Variants in TPRX1 observed in about 807,000 individuals in gnomAD.
TPRX1 encodes the protein tetrapeptide repeat homeobox 1, also known as tetra-peptide repeat homeobox protein 1.
In TPRX1, 2 loss-of-function variants were observed where a neutral mutation model predicts 8.1. The observed-to-expected ratio is 0.25, with a 90% confidence interval of 0.10 to 0.78. The LOEUF (loss-of-function observed/expected upper bound fraction) is 0.78, where lower values mean the gene tolerates loss of function less well. TPRX1 is among the 30% of genes least tolerant of loss of function. The pLI, the probability that TPRX1 is intolerant of heterozygous loss-of-function variation, is 0.70. For synonymous variants in TPRX1, 257 were observed against 254.1 expected, an observed-to-expected ratio of 1.01 and a Z score of -0.11; for missense variants, 517 against 586.9, an observed-to-expected ratio of 0.88 and a Z score of 1.23.
chr19:47,801,708 C>T (rs970355043), exon 4 of TPRX1: 6 of 1,527,030 alleles, frequency 3.9e-6, no homozygotes, highest in Non-Finnish European at 5.3e-6. Context: ...TGCAGAAAGT[C>T]ACCAGCAGTG....
exon 4 of TPRX1, chr19:47,802,783 G>A (rs762879335): frequency 6.2e-7 from 1 of 1,605,608 alleles, no homozygotes. Flanking sequence ...GGCCACCCCA[G>A]GCCTGGTGGA....
intron 2 of TPRX1, among the ~76,000 whole-genome samples, chr19:47,817,187 G>A (rs1412851542): frequency 6.6e-6 from 1 of 152,180 alleles, no homozygotes; most frequent in Non-Finnish European, 1.5e-5. Flanking sequence ...CAGGCAGGGA[G>A]ACTGAGCCTG....
At position 47,801,885 on chromosome 19, in the gene TPRX1, G is replaced by A. The variant is rs1346537210; in HGVS notation, c.1417C>T (p.Gln473Ter). ...TTGCCCATAGAGTCATCCCCTTCTTGGTACTGAGAGGTCATGGTGGAGACT... is the reference window on the plus strand; with the variant it reads ...TTGCCCATAGAGTCATCCCCTTCTTAGTACTGAGAGGTCATGGTGGAGACT... The change falls in exon 4 of 4, where the codon CAA becomes TAA. Residue 473 changes from glutamine to a stop codon, truncating the protein, a stop_gained. Transcript: ENST00000535759. LOFTEE classifies it low-confidence loss of function (END_TRUNC). 6.2e-7 allele frequency: 1 copy of A among 1,614,182 alleles called. No homozygotes were observed. The highest frequency in any genetic ancestry group is 8.5e-7 in the Non-Finnish European group (1 of 1,180,044).
In TPRX1 at chr19:47,811,877, A is replaced by AT. The variant is rs531108956; in HGVS notation, c.151+6590dup. Among the ~76,000 whole-genome samples the AT allele has an allele frequency of 1.9e-3, 283 of 150,976 alleles. 1 individual carries two copies. The highest frequency in any genetic ancestry group is 3.2e-3 in the Non-Finnish European group (218 of 67,836). ...TTTATTTTTAATTTCTTTTATATAT[A>AT]TTTTTTGAGACGGAGTTTCGCTCTT... On this transcript the variant is annotated intron_variant, in intron 2 of 3. Coordinates refer to ENST00000535759, the Ensembl canonical transcript of TPRX1.
chr19:47,813,815 T>C (rs1967806780), intron 2 of TPRX1, among the ~76,000 whole-genome samples: 1 of 151,698 alleles, frequency 6.6e-6, no homozygotes, highest in African/African-American at 2.4e-5. Flanking sequence ...CCTAAGAGGA[T>C]TGGAACATTT....
chr19:47,803,056 C>T, intron 3 of TPRX1, 76 bp from the exon 3 acceptor site: 1 of 1,455,810 alleles, frequency 6.9e-7, no homozygotes. Flanking sequence ...GGGGTCGGGG[C>T]CAGCCTGAAG....
chr19:47,814,176 C>A (rs1004175065), intron 2 of TPRX1, among the ~76,000 whole-genome samples: 28 of 151,880 alleles, frequency 1.8e-4, no homozygotes, highest in Non-Finnish European at 3.5e-4. Context: ...CCTGTCTCAG[C>A]CTCCCAATAG....
At chr19:47,802,278 C>A in exon 4 of TPRX1, 1 of 1,549,184 alleles carries the variant, frequency 6.5e-7, no homozygotes. Flanking sequence ...GGGTTCGGGC[C>A]TGAGATTGGG....
At chr19:47,803,250 C>T (rs1418314642) in intron 3 of TPRX1, among the ~76,000 whole-genome samples, 5 of 151,806 alleles carry the variant, frequency 3.3e-5, no homozygotes, top group African/African-American at 1.2e-4. Context: ...GGGGAGGGAC[C>T]GCGGGTTCTC....
chr19:47,815,669 A>G (rs1163698546), intron 2 of TPRX1, among the ~76,000 whole-genome samples: 1 of 140,808 alleles, frequency 7.1e-6, no homozygotes, highest in Non-Finnish European at 1.6e-5. Context: ...AAAAAAAAGC[A>G]GGTGTGGTGG....
exon 4 of TPRX1, chr19:47,802,152 T>C (rs1568613368): frequency 6.3e-7 from 1 of 1,594,178 alleles, no homozygotes; most frequent in Non-Finnish European, 8.5e-7. Flanking sequence ...GGACTTAAGA[T>C]GGGACCTGGG....
chr19:47,801,922 C>CA lies in TPRX1; in HGVS notation c.1379dup (p.Leu460PhefsTer18). The stretch of plus-strand genomic sequence containing the variant: ...TCATGGTGGAGACTGAGGATCCCTC[C>CA]AAGGGGTCTAGGGGTAGGAGCAGCT... On this transcript the variant is annotated frameshift_variant, in exon 4 of 4. Coordinates refer to ENST00000535759, the Ensembl canonical transcript of TPRX1. LOFTEE classifies it low-confidence loss of function (END_TRUNC). 1 of 1,614,118 alleles carries CA rather than the reference C, an allele frequency of 6.2e-7. No individual in the cohort carries two copies. The highest frequency in any genetic ancestry group is 1.1e-5 in the South Asian group (1 of 91,084).
chr19:47,815,129 T>TATATATATATGCAA (rs1967823622), intron 2 of TPRX1, among the ~76,000 whole-genome samples: 7 of 101,788 alleles, frequency 6.9e-5, no homozygotes, highest in African/African-American at 1.4e-4. Flanking sequence ...TATATATATA[T>TATATATATATGCAA]ATATATATAT....
At position 47,818,345 on chromosome 19, in the gene TPRX1, CATCCATCCATCCATCCATCCAT is replaced by C. The variant is rs1217627063; in HGVS notation, c.151+101_151+122del. 1.2e-5 allele frequency: 4 copies of C among 324,850 alleles called. No homozygotes were observed. In the African/African-American group the frequency reaches 1.5e-4, roughly 12 times the overall value. 20.1% of individuals were successfully genotyped at this position (324,850 alleles called of 1,614,324 possible). ...TCCATCCATCCATCCATCCATCATC[CATCCATCCATCCATCCATCCAT>C]CATCCATCACCCATCCATCCCTCCA... On this transcript the variant is annotated intron_variant, in intron 2 of 3. Coordinates refer to ENST00000535759, the Ensembl canonical transcript of TPRX1.
In TPRX1 at chr19:47,814,830, G is replaced by C. The variant is rs552683031; in HGVS notation, c.151+3638C>G. 5.9e-5 allele frequency among the ~76,000 whole-genome samples: 9 copies of C among 151,964 alleles called. No homozygotes were observed. In the East Asian group the frequency reaches 1.7e-3, roughly 29 times the overall value. The stretch of plus-strand genomic sequence containing the variant: ...TTTGTTTTTTCTGAGACTGAGTTTC[G>C]CTCTTGTCGCCCAGGCTGGAGTGCA... On this transcript the variant is annotated intron_variant, in intron 2 of 3. Coordinates refer to ENST00000535759, the Ensembl canonical transcript of TPRX1.
chr19:47,815,162 A>ATATGCAAATATATATATATATATT (rs1360730858), intron 2 of TPRX1, among the ~76,000 whole-genome samples: 1 of 74,710 alleles, frequency 1.3e-5, no homozygotes, highest in African/African-American at 5.1e-5. Context: ...ATATATATAT[A>ATATGCAAATATATATATATATATT]TTTTTTTTTT....
chr19:47,802,555 T>TGGGCCACGGAATGGGCCTGGGATC (rs1967686871), exon 4 of TPRX1: 1 of 1,549,392 alleles, frequency 6.5e-7, no homozygotes, highest in African/African-American at 1.4e-5. Context: ...GGCCTGGGAT[T>TGGGCCACGGAATGGGCCTGGGATC]GGGCCACGGA....
intron 2 of TPRX1, chr19:47,818,387 C>CAT (rs1225444648): frequency 1.9e-5 from 8 of 415,820 alleles, no homozygotes; most frequent in African/African-American, 1.6e-4. Context: ...CCCATCCATC[C>CAT]CTCCATCCAT....
chr19:47,807,026 G>A (rs536907525), intron 2 of TPRX1, among the ~76,000 whole-genome samples: 1 of 151,778 alleles, frequency 6.6e-6, no homozygotes, highest in African/African-American at 2.4e-5. Context: ...TGCCTCAGTC[G>A]CCCAAGTAGC....
Sources: allele counts gnomAD v4.1 joint callset (sites outside exome capture counted in the v4.1 genomes callset), GRCh38; gene constraint gnomAD v4.1.1; transcripts MANE v1.5; gene names NCBI Gene and HGNC (gene_info 2026-07-23, HGNC 2026-07-21).